The following ZNF521 variants were observed in gnomAD, a reference collection of about 807,000 sequenced individuals.
ZNF521 encodes zinc finger protein 521, also known as LYST-interacting protein 3.
In ZNF521, 14 loss-of-function variants were observed where a neutral mutation model predicts 105.5. The observed-to-expected ratio is 0.13, with a 90% CI of 0.09 to 0.21. The LOEUF (loss-of-function observed/expected upper bound fraction) is 0.21, where lower values mean the gene tolerates loss of function less well. Ranked by LOEUF, ZNF521 falls within the 10% of genes least tolerant of loss-of-function variation. ZNF521 has a pLI of 1.00. For missense variants in ZNF521, 1,233 were observed against 1,629.7 expected (o/e 0.76, Z 4.19); for synonymous variants, 635 against 606.0 (o/e 1.05, Z -0.70).
chr18:25,217,118 T>C (rs541509205), intron 4 of ZNF521, among the ~76,000 whole-genome samples: 2 of 151,990 alleles, frequency 1.3e-5, no homozygotes, highest in African/African-American at 2.4e-5. Context: ...TGGTGAGGCG[T>C]TGGGGTTCAT....
chr18:25,250,614 T>G (rs915357052), intron 3 of ZNF521, among the ~76,000 whole-genome samples: 2 of 152,220 alleles, frequency 1.3e-5, no homozygotes, highest in Non-Finnish European at 2.9e-5. Context: ...AGAAACTAGC[T>G]GCCAAATGTG....
intron 7 of ZNF521, among the ~76,000 whole-genome samples, chr18:25,075,038 C>G (rs2033326411): frequency 6.6e-6 from 1 of 152,048 alleles, no homozygotes; most frequent in African/African-American, 2.4e-5. Context: ...AAAGACAGTC[C>G]TGACTAACAG....
At chr18:25,218,916 A>C (rs573109547) in intron 4 of ZNF521, among the ~76,000 whole-genome samples, 1 of 152,126 alleles carries the variant, frequency 6.6e-6, no homozygotes, top group African/African-American at 2.4e-5. Context: ...GTCCACTTAT[A>C]TGTGTATTTT....
At chr18:25,345,755 A>G (rs1023190008) in intron 2 of ZNF521, among the ~76,000 whole-genome samples, 2 of 152,250 alleles carry the variant, frequency 1.3e-5, no homozygotes, top group African/African-American at 4.8e-5. Flanking sequence ...AATGACTTCA[A>G]CATCTAGTCA....
chr18:25,093,516 C>T (rs9955970), intron 5 of ZNF521, among the ~76,000 whole-genome samples: 12 of 152,170 alleles, frequency 7.9e-5, no homozygotes, highest in African/African-American at 1.2e-4. Context: ...GGTAATACCA[C>T]GTCCCAATTA....
chr18:25,277,742 T>C (rs567574694), intron 3 of ZNF521, among the ~76,000 whole-genome samples: 2 of 152,304 alleles, frequency 1.3e-5, no homozygotes, highest in South Asian at 4.1e-4. Context: ...AATAGAAACA[T>C]TACTAAAGCC....
intron 4 of ZNF521, among the ~76,000 whole-genome samples, chr18:25,215,019 T>TA (rs2036256538): frequency 6.6e-6 from 1 of 152,010 alleles, no homozygotes; most frequent in Admixed American, 6.6e-5. Flanking sequence ...TGGAGTTGAT[T>TA]AAAGGGCTAG....
intron 7 of ZNF521, among the ~76,000 whole-genome samples, chr18:25,068,789 C>A (rs1369716108): frequency 6.6e-6 from 1 of 152,192 alleles, no homozygotes; most frequent in Non-Finnish European, 1.5e-5. Flanking sequence ...CATTATGAGT[C>A]TGGCTGGCTC....
intron 2 of ZNF521, among the ~76,000 whole-genome samples, chr18:25,335,851 A>C (rs528529572): frequency 2.6e-5 from 4 of 152,360 alleles, no homozygotes; most frequent in Admixed American, 6.5e-5. Flanking sequence ...AAGGTCAACC[A>C]GCGAGCGCGG....
Position 25,161,943 on chromosome 18 carries a change from T to C in ZNF521, c.3658+33217A>G, listed in dbSNP as rs144073962. ...TGGCGGGTTACAACATGACAAGCAG[T>C]GGTTCCTGGGCACATGGGAACTACC... On this transcript the variant is annotated intron_variant, in intron 5 of 7. Transcript: ENST00000361524. 6.0e-3 allele frequency among the ~76,000 whole-genome samples: 909 copies of C among 152,278 alleles called. 9 individuals are homozygous for C. Among genetic ancestry groups the C allele is most frequent in the African/African-American group, 0.021 (858 of 41,564 alleles).
chr18:25,283,033 T>A (rs2144995376), intron 3 of ZNF521, among the ~76,000 whole-genome samples: 1 of 152,352 alleles, frequency 6.6e-6, no homozygotes, highest in Middle Eastern at 3.4e-3. Context: ...AACCACAGCG[T>A]GCCTGCTTTG....
intron 3 of ZNF521, among the ~76,000 whole-genome samples, chr18:25,313,255 G>A (rs903303437): frequency 2.6e-5 from 4 of 152,024 alleles, no homozygotes; most frequent in Non-Finnish European, 5.9e-5. Flanking sequence ...CTGGACTTAC[G>A]GATCAGAATA....
intron 2 of ZNF521, among the ~76,000 whole-genome samples, chr18:25,329,902 C>G (rs61190663): frequency 9.2e-6 from 1 of 108,126 alleles, no homozygotes; most frequent in Non-Finnish European, 2.2e-5. Flanking sequence ...ACTAAGTCAA[C>G]GGCAGAAAGG....
intron 7 of ZNF521, 135 bp downstream of exon 7, chr18:25,089,330 C>T (rs992787653): frequency 9.1e-6 from 6 of 659,984 alleles, no homozygotes; most frequent in Non-Finnish European, 1.3e-5. Context: ...TCTAATTTTC[C>T]CTTTGCCCCC....
intron 7 of ZNF521, among the ~76,000 whole-genome samples, chr18:25,067,036 G>A (rs1243458261): frequency 1.3e-5 from 2 of 152,140 alleles, no homozygotes; most frequent in Non-Finnish European, 2.9e-5. Context: ...AGACAGAAAA[G>A]GAAGTAGGAA....
intron 4 of ZNF521, among the ~76,000 whole-genome samples, chr18:25,197,676 A>T (rs2035925583): frequency 6.6e-6 from 1 of 151,712 alleles, no homozygotes; most frequent in South Asian, 2.1e-4. Context: ...TCTAGACCCA[A>T]ATCTGTTTTT....
In ZNF521 at chr18:25,327,699, A is replaced by C. The variant is rs752611201; in HGVS notation, c.41-5512T>G. The C allele has an allele frequency of 7.7e-6, 4 of 518,920 alleles. No individual in the cohort carries two copies. In the East Asian group the frequency reaches 2.2e-4, roughly 28 times the overall value. The allele number at this position is 518,920 out of a possible 1,614,324, so 32.1% of individuals were successfully genotyped here. A position where few individuals can be genotyped will look rare whatever the true frequency, so the allele number is the denominator to read the frequency against. On this transcript the variant is annotated intron_variant, in intron 2 of 7. Transcript: ENST00000361524. ...ATGCATTCTAACTTGAAATCCCATAAGACGAAAACAGATTTAGGGGAAATA... is the reference window on the plus strand; with the variant it reads ...ATGCATTCTAACTTGAAATCCCATACGACGAAAACAGATTTAGGGGAAATA...
At chr18:25,170,161 A>G (rs1459175147) in intron 5 of ZNF521, among the ~76,000 whole-genome samples, 1 of 151,806 alleles carries the variant, frequency 6.6e-6, no homozygotes, top group Non-Finnish European at 1.5e-5. Flanking sequence ...TCATTTAAGC[A>G]CAACCACCAA....
intron 3 of ZNF521, among the ~76,000 whole-genome samples, chr18:25,243,119 T>C (rs1907459932): frequency 6.6e-6 from 1 of 152,192 alleles, no homozygotes; most frequent in Admixed American, 6.5e-5. Flanking sequence ...GAATGCTTCA[T>C]CTGATTAGAT....
Sources: gnomAD v4.1 joint callset for allele counts (sites outside exome capture counted in the v4.1 genomes callset) on GRCh38, gnomAD v4.1.1 for gene constraint, MANE v1.5 for transcripts, NCBI Gene and HGNC (gene_info 2026-07-23, HGNC 2026-07-21) for gene names.